PELP1: variants seen among roughly 807,000 people sequenced by gnomAD.
PELP1 encodes the protein proline-, glutamic acid- and leucine-rich protein 1.
In PELP1, 32 loss-of-function variants were observed where a neutral mutation model predicts 95.5. That is an observed-to-expected ratio of 0.34 (90% confidence interval 0.25 to 0.45). The LOEUF (loss-of-function observed/expected upper bound fraction) is 0.45. Among genes scored for constraint, PELP1 ranks in the 20% least tolerant of loss-of-function variants. The pLI is 1.00. For missense variants in PELP1, 1,358 were observed against 1,444.8 expected (o/e 0.94, Z 0.97); for synonymous variants, 668 against 600.1 (o/e 1.11, Z -1.65).
chr17:4,671,670 C>A (rs766444818), intron 16 of PELP1, 21 bp downstream of exon 16: 18 of 1,591,226 alleles, frequency 1.1e-5, no homozygotes, highest in Admixed American at 5.7e-5. Flanking sequence ...CCCAAGGAAC[C>A]TTCCCTGCCT....
At chr17:4,683,053 T>C (rs757631636) in intron 3 of PELP1, 101 bp from the exon 4 acceptor site, 40 of 1,368,656 alleles carry the variant, frequency 2.9e-5, no homozygotes, top group Non-Finnish European at 3.4e-5. Context: ...CCACGGTTAA[T>C]GTCAGTCTGA....
chr17:4,682,463 C>A lies in PELP1; in HGVS notation c.642+39G>T, dbSNP rs374074266. 25 of 1,350,968 alleles carry A rather than the reference C, an allele frequency of 1.9e-5. No homozygotes were observed. The Middle Eastern group carries it at 5.4e-4, about 29-fold the overall frequency. The allele number at this position is 1,350,968 out of a possible 1,614,324, so 83.7% of individuals were successfully genotyped here. Reference sequence around the variant, plus strand: ...AGGAATCTGAGGTAAGAGCTCTCAACGCTTACACTGGTGGGGAGAAGAGTG... The same window carrying A: ...AGGAATCTGAGGTAAGAGCTCTCAAAGCTTACACTGGTGGGGAGAAGAGTG... On this transcript the variant is annotated intron_variant, in intron 5 of 16. Coordinates refer to ENST00000572293, the MANE Select transcript of PELP1 (RefSeq NM_014389.3).
chr17:4,671,720 C>G lies in PELP1; in HGVS notation c.3271G>C (p.Glu1091Gln), dbSNP rs757867013. ...ETPAEEEMET[E>Q]TEAEALQEKE... ...TCCTGGAGAGCTTCGGCCTCTGTCT[C>G]TGTCTCCATCTCTTCTTCTGCAGGT... Residue 1091 changes from glutamate to glutamine, a missense_variant, in exon 16 of 17, where the codon GAG becomes CAG. Physicochemically the swap from Glu to Gln is conservative, Grantham distance 29. Transcript: ENST00000572293. The G allele has an allele frequency of 1.3e-6, 2 of 1,544,696 alleles. No individual in the cohort carries two copies. The highest frequency in any genetic ancestry group is 1.7e-6 in the Non-Finnish European group (2 of 1,151,456).
chr17:4,672,448 G>A lies in PELP1; in HGVS notation c.2543C>T (p.Pro848Leu). The change falls in exon 16 of 17, where the codon CCT becomes CTT. Residue 848 changes from proline to leucine, a missense_variant. Pro to Leu is a moderately conservative substitution (Grantham distance 98, BLOSUM62 -3). Coordinates refer to ENST00000572293, the MANE Select transcript of PELP1 (RefSeq NM_014389.3). ...PLPPPPPPPPPVPGPVTLPPP... is the reference protein window; with the variant it reads ...PLPPPPPPPPLVPGPVTLPPP... ...AGGGAGCGTCACAGGACCAGGAACAGGCGGCGGCGGAGGTGGGGGTGGCGG... is the reference window on the plus strand; with the variant it reads ...AGGGAGCGTCACAGGACCAGGAACAAGCGGCGGCGGAGGTGGGGGTGGCGG... 8.9e-6 allele frequency: 14 copies of A among 1,567,138 alleles called. No individual in the cohort carries two copies. The highest frequency in any genetic ancestry group is 1.7e-4 in the Middle Eastern group (1 of 5,958).
chr17:4,688,080 G>A (rs11078532), intron 3 of PELP1, among the ~76,000 whole-genome samples: 148,937 of 152,314 alleles, frequency 0.98, 72,900 homozygotes, highest in Middle Eastern at 1. Context: ...CACACCTGTA[G>A]TCTTAGCACT....
chr17:4,697,482 C>G (rs1213990224), intron 1 of PELP1, among the ~76,000 whole-genome samples: 1 of 152,110 alleles, frequency 6.6e-6, no homozygotes, highest in African/African-American at 2.4e-5. Flanking sequence ...CCACTGCACT[C>G]CAGCCTGGGC....
chr17:4,690,028 GAGAGAC>G (rs1913039269), intron 3 of PELP1, among the ~76,000 whole-genome samples: 2 of 152,186 alleles, frequency 1.3e-5, no homozygotes, highest in East Asian at 1.9e-4. Flanking sequence ...TCTGTCGAGA[GAGAGAC>G]AGAGACAGAG....
intron 1 of PELP1, among the ~76,000 whole-genome samples, chr17:4,697,437 C>G (rs1567668922): frequency 6.6e-6 from 1 of 152,076 alleles, no homozygotes; most frequent in Non-Finnish European, 1.5e-5. Flanking sequence ...CTGCCTCAGC[C>G]TGGAAGATCA....
chr17:4,670,367 C>A lies in PELP1; in HGVS notation c.*1072G>T, dbSNP rs1170553995. ...TCTTGGTACCCTCTCACAGACACAT[C>A]TCTCGGTTCATCCTCACACGTCCAT... On this transcript the variant is annotated 3_prime_UTR_variant, in exon 17 of 17. Transcript: ENST00000572293. 6 of 151,208 alleles carry A rather than the reference C, an allele frequency of 4.0e-5. No individual in the cohort carries two copies. The highest frequency in any genetic ancestry group is 6.6e-5 in the Admixed American group (1 of 15,258). 9.4% of individuals were successfully genotyped at this position (151,208 alleles called of 1,614,324 possible). A position where few individuals can be genotyped will look rare whatever the true frequency, so the allele number is the denominator to read the frequency against.
In PELP1 at chr17:4,672,580, G is replaced by A; in HGVS notation, c.2411C>T (p.Ser804Leu). 6.3e-7 allele frequency: 1 copy of A among 1,585,822 alleles called. No individual in the cohort carries two copies. Among genetic ancestry groups the A allele is most frequent in the Non-Finnish European group, 8.6e-7 (1 of 1,160,500 alleles). The change falls in exon 16 of 17, where the codon TCA (serine) becomes TTA (leucine). Residue 804 changes from serine (S) to leucine (L), a missense_variant. Transcript: ENST00000572293. ...GGCTATAGGGGGTGGTGTGGCACCT[G>A]AGGGTGGTGGGGGTGGCAGGGGGGG... ...GLPPLPPPPP[S>L]GATPPPIAPT...
chr17:4,689,760 G>T (rs1206366957), intron 3 of PELP1, among the ~76,000 whole-genome samples: 2 of 152,218 alleles, frequency 1.3e-5, no homozygotes, highest in Non-Finnish European at 2.9e-5. Flanking sequence ...AGGAGTGGCG[G>T]CTCATGCCTG....
chr17:4,703,367 A>G (rs970913968), intron 1 of PELP1, among the ~76,000 whole-genome samples: 1 of 152,166 alleles, frequency 6.6e-6, no homozygotes, highest in Admixed American at 6.5e-5. Flanking sequence ...AATCTCTGCC[A>G]GTCTTCAGAT....
chr17:4,683,787 T>TC (rs35052486), intron 3 of PELP1, among the ~76,000 whole-genome samples: 135,478 of 141,400 alleles, frequency 0.96, 65,204 homozygotes, highest in East Asian at 1. Context: ...CACTTCAGAC[T>TC]CCAAAGTGCT....
At chr17:4,699,897 A>ATTTT (rs34806511) in intron 1 of PELP1, among the ~76,000 whole-genome samples, 1,230 of 86,708 alleles carry the variant, frequency 0.014, 88 homozygotes, top group South Asian at 0.023. Flanking sequence ...CTAGAGGGTG[A>ATTTT]TTTTTTTTTT....
Position 4,676,095 on chromosome 17 carries a change from G to A in PELP1, c.921C>T (p.Val307=), listed in dbSNP as rs1912459636. 8 of 1,613,972 alleles carry A rather than the reference G, an allele frequency of 5.0e-6. No homozygotes were observed. Among genetic ancestry groups the A allele is most frequent in the East Asian group, 2.2e-5 (1 of 44,878 alleles). The change falls in exon 8 of 17, where the codon GTC becomes GTT. Residue 307 remains valine, a synonymous_variant. Transcript: ENST00000572293. ...LLSSEDGDAH[V]LLQLRQRFSG... ...AAAACCTCTGCCGAAGCTGGAGAAG[G>A]ACATGGGCATCACCATCTTCTGAGG...
In PELP1 at chr17:4,675,478, G is replaced by C. The variant is rs1912424542; in HGVS notation, c.1069-116C>G. The stretch of plus-strand genomic sequence containing the variant: ...CACATAGGTAAGAAACCCAACCCCT[G>C]ATCTCAGCTCTCCCAACAAAATCAA... On this transcript the variant is annotated intron_variant, in intron 9 of 16. Coordinates refer to ENST00000572293, the MANE Select transcript of PELP1 (RefSeq NM_014389.3). This position sits in a 1 kb window ranked among gnomAD's most constrained non-coding sequence, Gnocchi z 4.3. 1.3e-6 allele frequency: 1 copy of C among 747,898 alleles called. No individual in the cohort carries two copies. Among genetic ancestry groups the C allele is most frequent in the Non-Finnish European group, 2.3e-6 (1 of 425,600 alleles). 46.3% of individuals were successfully genotyped at this position (747,898 alleles called of 1,614,324 possible). A position where few individuals can be genotyped will look rare whatever the true frequency, so the allele number is the denominator to read the frequency against.
intron 1 of PELP1, among the ~76,000 whole-genome samples, chr17:4,697,340 T>C (rs1180213661): frequency 3.3e-5 from 5 of 152,186 alleles, no homozygotes; most frequent in African/African-American, 1.2e-4. Flanking sequence ...TAGCGAGACC[T>C]TGTTTCTACT....
Position 4,675,996 on chromosome 17 carries a change from C to T in PELP1, c.980+40G>A, listed in dbSNP as rs375513385. On this transcript the variant is annotated intron_variant, in intron 8 of 16. Transcript: ENST00000572293. This position sits in a 1 kb window ranked among gnomAD's most constrained non-coding sequence, Gnocchi z 4.3. The stretch of plus-strand genomic sequence containing the variant: ...AGGCGACACTCCCTCATCAATCCCT[C>T]CTGCTCCACGCCTCCGCTCCCTCCA... The T allele has an allele frequency of 1.9e-6, 3 of 1,611,494 alleles. No homozygotes were observed. The South Asian group carries it at 3.3e-5, about 18-fold the overall frequency.
chr17:4,697,607 G>A (rs1238909563), intron 1 of PELP1, among the ~76,000 whole-genome samples: 3 of 152,164 alleles, frequency 2.0e-5, no homozygotes, highest in Non-Finnish European at 4.4e-5. Flanking sequence ...ATAATTAACT[G>A]TATCAAATGG....
Sources: allele counts gnomAD v4.1 joint callset (sites outside exome capture counted in the v4.1 genomes callset), GRCh38; gene constraint gnomAD v4.1.1; non-coding constraint Gnocchi (gnomAD v3.1); transcripts MANE v1.5; gene names NCBI Gene and HGNC (gene_info 2026-07-23, HGNC 2026-07-21).